The following ARHGAP22 variants were observed in gnomAD, a reference collection of about 807,000 sequenced individuals.
ARHGAP22 encodes the protein Rho GTPase activating protein 22, also known as rho GTPase-activating protein 22.
ARHGAP22 carries 48 observed loss-of-function variants against 59.1 expected under a neutral mutation model. That is an observed-to-expected ratio of 0.81 (90% CI 0.64 to 1.03). The LOEUF (loss-of-function observed/expected upper bound fraction) is 1.03, where lower values mean the gene tolerates loss of function less well. Ranked by LOEUF, ARHGAP22 falls within the 50% of genes least tolerant of loss-of-function variation. ARHGAP22 has a pLI of 0.00. For missense variants in ARHGAP22, 1,015 were observed against 958.7 expected, an observed-to-expected ratio of 1.06 and a Z score of -0.78; for synonymous variants, 445 against 416.4, an observed-to-expected ratio of 1.07 and a Z score of -0.84.
chr10:48,593,981 T>TA (rs2059919207), intron 1 of ARHGAP22, among the ~76,000 whole-genome samples: 2 of 152,364 alleles, frequency 1.3e-5, no homozygotes, highest in South Asian at 2.1e-4. Context: ...TGAATTTTTT[T>TA]ATTATATAAA....
At chr10:48,538,950 AC>A (rs1263305955) in intron 3 of ARHGAP22, among the ~76,000 whole-genome samples, 2 of 152,254 alleles carry the variant, frequency 1.3e-5, no homozygotes, top group Non-Finnish European at 2.9e-5. Context: ...GTTCCTGCCA[AC>A]AAAAAAGAAG....
intron 1 of ARHGAP22, among the ~76,000 whole-genome samples, chr10:48,596,362 C>A (rs901884089): frequency 2.0e-5 from 3 of 152,184 alleles, no homozygotes; most frequent in African/African-American, 7.2e-5. Context: ...TGCCCCAACA[C>A]CAGATCTTGC....
rs556601290 is a variant in ARHGAP22, at chr10:48,582,833, C to T, written c.234+120G>A. On this transcript the variant is annotated intron_variant, in intron 2 of 9. Transcript: ENST00000249601. Reference sequence around the variant, plus strand: ...ATGAAAATTACTTTGGAAATCCTGGCAAAACATCACTGTGATGGAGTCAGT... The same window carrying T: ...ATGAAAATTACTTTGGAAATCCTGGTAAAACATCACTGTGATGGAGTCAGT... 5.3e-4 allele frequency: 641 copies of T among 1,204,250 alleles called. 2 individuals are homozygous for T. Among genetic ancestry groups the T allele is most frequent in the Non-Finnish European group, 7.0e-4 (601 of 859,928 alleles). The allele number at this position is 1,204,250 out of a possible 1,614,324, so 74.6% of individuals were successfully genotyped here.
intron 3 of ARHGAP22, among the ~76,000 whole-genome samples, chr10:48,541,735 A>G (rs1203811338): frequency 2.0e-5 from 3 of 152,240 alleles, no homozygotes; most frequent in African/African-American, 7.2e-5. Flanking sequence ...CCAGGCAGGC[A>G]GTCCTATTGG....
At chr10:48,652,481 T>A in exon 1 of ARHGAP22, 1 of 606,724 alleles carries the variant, frequency 1.6e-6, no homozygotes, top group Non-Finnish European at 2.9e-6. Flanking sequence ...GAAGAATTAG[T>A]TCATTAAGCG....
intron 4 of ARHGAP22, among the ~76,000 whole-genome samples, chr10:48,466,018 G>C (rs982710880): frequency 1.3e-5 from 2 of 152,108 alleles, no homozygotes; most frequent in Non-Finnish European, 2.9e-5. Context: ...CCAGCCAGCC[G>C]GCACAGCTGA....
intron 3 of ARHGAP22, among the ~76,000 whole-genome samples, chr10:48,505,350 T>C (rs1005959642): frequency 6.6e-6 from 1 of 152,108 alleles, no homozygotes; most frequent in Non-Finnish European, 1.5e-5. Flanking sequence ...TAAATAAAAA[T>C]CAGTCTGTAA....
At chr10:48,432,125 G>A in the ARHGAP22 span, among the ~76,000 whole-genome samples, 2 of 152,182 alleles carry the variant, frequency 1.3e-5, no homozygotes, top group Non-Finnish European at 2.9e-5. Flanking sequence ...TAGGACAGTT[G>A]TATGAAGGAG....
intron 3 of ARHGAP22, chr10:48,510,986 T>G (rs530554874): frequency 6.6e-6 from 1 of 152,484 alleles, no homozygotes; most frequent in East Asian, 1.9e-4. Flanking sequence ...GGTCAGGGTT[T>G]GAACAGCAGA....
At chr10:48,652,299 G>C (rs2062600623) in exon 1 of ARHGAP22, 1 of 1,535,508 alleles carries the variant, frequency 6.5e-7, no homozygotes, top group Non-Finnish European at 8.7e-7. Flanking sequence ...GAAGCTGGCA[G>C]TCTGTGCAAA....
chr10:48,454,772 T>C (rs1257623922), intron 6 of ARHGAP22, among the ~76,000 whole-genome samples: 3 of 151,976 alleles, frequency 2.0e-5, no homozygotes, highest in African/African-American at 7.3e-5. Flanking sequence ...CAGACAGGTA[T>C]GGCTCCAGAC....
intron 1 of ARHGAP22, among the ~76,000 whole-genome samples, chr10:48,630,969 A>G (rs1339590013): frequency 1.3e-5 from 2 of 152,220 alleles, no homozygotes; most frequent in African/African-American, 4.8e-5. Flanking sequence ...CTAGTTTGCT[A>G]AAAGTTTTTA....
chr10:48,598,333 CTGGT>C lies in ARHGAP22; in HGVS notation c.34+6426_34+6429del, dbSNP rs200507513. ...TGAACCTCAGGCAGCAACAGATGGA[CTGGT>C]GGCCTAAGGGCTGGGTGGAGGGTGG... On this transcript the variant is annotated intron_variant, in intron 1 of 9. Transcript: ENST00000249601. 1.1e-3 allele frequency among the ~76,000 whole-genome samples: 171 copies of C among 152,244 alleles called. No homozygotes were observed. The East Asian group carries it at 0.029, about 26-fold the overall frequency.
chr10:48,534,721 T>C (rs1345663371), intron 3 of ARHGAP22, among the ~76,000 whole-genome samples: 1 of 152,208 alleles, frequency 6.6e-6, no homozygotes, highest in African/African-American at 2.4e-5. Flanking sequence ...TTGAAGTGGT[T>C]AAGTGATTTA....
At chr10:48,579,005 C>T (rs1189724961) in intron 2 of ARHGAP22, among the ~76,000 whole-genome samples, 3 of 152,020 alleles carry the variant, frequency 2.0e-5, no homozygotes, top group Non-Finnish European at 4.4e-5. Flanking sequence ...ATAGATGAAT[C>T]TAACCTATTC....
chr10:48,455,175 C>T, intron 5 of ARHGAP22, 41 bp from the exon 6 acceptor site: 2 of 1,566,882 alleles, frequency 1.3e-6, no homozygotes, highest in Non-Finnish European at 8.7e-7. Context: ...GCCTGGGATG[C>T]CAGGGGACTT....
At chr10:48,633,125 G>T (rs1434307212) in intron 1 of ARHGAP22, among the ~76,000 whole-genome samples, 1 of 152,190 alleles carries the variant, frequency 6.6e-6, no homozygotes, top group Non-Finnish European at 1.5e-5. Flanking sequence ...GTATTCCAGT[G>T]CCTAGAGCAG....
At chr10:48,621,632 G>T (rs10857613) in intron 1 of ARHGAP22, among the ~76,000 whole-genome samples, 1 of 151,992 alleles carries the variant, frequency 6.6e-6, no homozygotes, top group Non-Finnish European at 1.5e-5. Flanking sequence ...CTCAGGGCAT[G>T]TTGGGGCATG....
At chr10:48,435,478 G>T in the ARHGAP22 span, 3 of 152,544 alleles carry the variant, frequency 2.0e-5, no homozygotes, top group African/African-American at 7.2e-5. Context: ...ATCCTTCAGG[G>T]TTATGTGCTT....
Sources: allele counts gnomAD v4.1 joint callset (sites outside exome capture counted in the v4.1 genomes callset), GRCh38; gene constraint gnomAD v4.1.1; transcripts MANE v1.5; gene names NCBI Gene and HGNC (gene_info 2026-07-23, HGNC 2026-07-21).